Variants in TRABD2B observed in about 807,000 individuals in gnomAD.
TRABD2B encodes the protein metalloprotease TIKI2.
A neutral mutation model predicts 40.1 loss-of-function variants in TRABD2B; 14 were observed. That is an observed-to-expected ratio of 0.35 (90% CI 0.23 to 0.55). The LOEUF (loss-of-function observed/expected upper bound fraction) is 0.55, where lower values mean the gene tolerates loss of function less well. TRABD2B is among the 20% of genes least tolerant of loss of function. The probability of loss-of-function intolerance (pLI) is 0.90; values close to 1 mark genes in which losing one functional copy is unlikely to be tolerated. For synonymous variants in TRABD2B, 263 were observed against 277.0 expected, an observed-to-expected ratio of 0.95 and a Z score of 0.50; for missense variants, 541 against 648.6, an observed-to-expected ratio of 0.83 and a Z score of 1.80.
At chr1:47,867,328 A>G (rs1160745669) in intron 2 of TRABD2B, among the ~76,000 whole-genome samples, 1 of 152,190 alleles carries the variant, frequency 6.6e-6, no homozygotes, top group Non-Finnish European at 1.5e-5. Context: ...AAGGGAGGAA[A>G]CTGATAAAAA....
chr1:47,800,504 G>A (rs1441768515), intron 3 of TRABD2B, among the ~76,000 whole-genome samples: 2 of 152,166 alleles, frequency 1.3e-5, no homozygotes, highest in Non-Finnish European at 2.9e-5. Flanking sequence ...GGGGAGAGCA[G>A]AAAGTGACAG....
intron 2 of TRABD2B, among the ~76,000 whole-genome samples, chr1:47,847,842 T>C (rs567493791): frequency 2.0e-5 from 3 of 152,298 alleles, no homozygotes; most frequent in South Asian, 2.1e-4. Context: ...CATATAAAAC[T>C]CATATGGCAC....
intron 2 of TRABD2B, among the ~76,000 whole-genome samples, chr1:47,966,773 C>T (rs748880628): frequency 1.1e-4 from 16 of 151,948 alleles, no homozygotes; most frequent in East Asian, 3.9e-4. Context: ...GGTGTGGTGG[C>T]GCACACTTGT....
At chr1:47,971,679 A>T (rs1009529518) in intron 2 of TRABD2B, among the ~76,000 whole-genome samples, 1 of 151,938 alleles carries the variant, frequency 6.6e-6, no homozygotes, top group Non-Finnish European at 1.5e-5. Context: ...CCTGACCAAG[A>T]CTCCAGAACC....
intron 5 of TRABD2B, among the ~76,000 whole-genome samples, chr1:47,775,643 C>T (rs953680207): frequency 4.6e-5 from 7 of 152,148 alleles, no homozygotes; most frequent in African/African-American, 1.2e-4. Context: ...TTTGTTTAGT[C>T]GACGGATATT....
chr1:47,780,708 T>C (rs1395808665), intron 4 of TRABD2B, among the ~76,000 whole-genome samples: 1 of 152,058 alleles, frequency 6.6e-6, no homozygotes, highest in Non-Finnish European at 1.5e-5. Flanking sequence ...GGGAGGCTGT[T>C]CCAGTAGGGG....
chr1:47,856,554 T>C (rs1643892182), intron 2 of TRABD2B, among the ~76,000 whole-genome samples: 1 of 152,222 alleles, frequency 6.6e-6, no homozygotes, highest in Admixed American at 6.5e-5. Context: ...GGACCAGCTT[T>C]GCCATCGTAG....
chr1:47,905,540 G>A (rs1644664415), intron 2 of TRABD2B, among the ~76,000 whole-genome samples: 1 of 152,116 alleles, frequency 6.6e-6, no homozygotes, highest in South Asian at 2.1e-4. Context: ...AGCCATCCCT[G>A]TCCCCAGCCT....
chr1:47,776,245 GAC>G (rs1644445917), intron 5 of TRABD2B, among the ~76,000 whole-genome samples: 1 of 152,188 alleles, frequency 6.6e-6, no homozygotes. Context: ...GTGGAGCAAA[GAC>G]AGTGTTAAGT....
chr1:47,886,857 C>T (rs1644378014), intron 2 of TRABD2B, among the ~76,000 whole-genome samples: 1 of 152,198 alleles, frequency 6.6e-6, no homozygotes, highest in South Asian at 2.1e-4. Context: ...GGGGCCATTT[C>T]ATCTCTGACA....
At chr1:47,939,724 A>G (rs549758855) in intron 2 of TRABD2B, among the ~76,000 whole-genome samples, 1 of 152,358 alleles carries the variant, frequency 6.6e-6, no homozygotes, top group African/African-American at 2.4e-5. Context: ...TGAAGCCTCC[A>G]GAGGACAAGT....
At chr1:47,981,030 A>G (rs1645833716) in intron 2 of TRABD2B, among the ~76,000 whole-genome samples, 1 of 150,388 alleles carries the variant, frequency 6.6e-6, no homozygotes, top group Non-Finnish European at 1.5e-5. Context: ...TTTTTTTTTG[A>G]CAGAGTCTTG....
intron 2 of TRABD2B, among the ~76,000 whole-genome samples, chr1:47,968,352 T>C (rs1328173348): frequency 6.6e-6 from 1 of 152,088 alleles, no homozygotes; most frequent in East Asian, 1.9e-4. Context: ...ACCACTATGG[T>C]TTTACTCCCC....
chr1:47,913,384 G>A (rs1303627273), intron 2 of TRABD2B, among the ~76,000 whole-genome samples: 8 of 152,128 alleles, frequency 5.3e-5, no homozygotes, highest in South Asian at 2.1e-4. Context: ...ACTTGGGCGC[G>A]ACCTAAGTGT....
intron 4 of TRABD2B, among the ~76,000 whole-genome samples, chr1:47,783,539 C>A (rs1440674317): frequency 6.6e-6 from 1 of 152,174 alleles, no homozygotes; most frequent in Non-Finnish European, 1.5e-5. Flanking sequence ...AAGCAAGGGC[C>A]TAAAGGTGGA....
At chr1:47,902,572 C>T (rs1257923181) in intron 2 of TRABD2B, among the ~76,000 whole-genome samples, 1 of 152,224 alleles carries the variant, frequency 6.6e-6, no homozygotes, top group Non-Finnish European at 1.5e-5. Context: ...TCATAGCTCA[C>T]TGCAGCTTTG....
At chr1:47,955,668 TA>T (rs1645409318) in intron 2 of TRABD2B, among the ~76,000 whole-genome samples, 1 of 152,210 alleles carries the variant, frequency 6.6e-6, no homozygotes, top group Admixed American at 6.5e-5. Context: ...ATCCAAGCCC[TA>T]ACCCTCCTTC....
chr1:47,877,780 T>C (rs1644245192), intron 2 of TRABD2B, among the ~76,000 whole-genome samples: 1 of 152,180 alleles, frequency 6.6e-6, no homozygotes, highest in South Asian at 2.1e-4. Context: ...GTGGACTGCC[T>C]GAGGTTAGGA....
intron 2 of TRABD2B, among the ~76,000 whole-genome samples, chr1:47,988,401 A>C (rs1477158580): frequency 6.6e-6 from 1 of 152,294 alleles, no homozygotes; most frequent in East Asian, 1.9e-4. Context: ...CACATTTCGA[A>C]GTCTCTTCCC....
Sources: gnomAD v4.1 joint callset for allele counts (sites outside exome capture counted in the v4.1 genomes callset) on GRCh38, gnomAD v4.1.1 for gene constraint, MANE v1.5 for transcripts, NCBI Gene and HGNC (gene_info 2026-07-23, HGNC 2026-07-21) for gene names.